SEMA3E: variants seen among roughly 807,000 people sequenced by gnomAD.
The protein encoded by SEMA3E is semaphorin-3E.
SEMA3E carries 49 observed loss-of-function variants against 93.6 expected under a neutral mutation model. The observed-to-expected ratio is 0.52, with a 90% CI of 0.42 to 0.66. The LOEUF (loss-of-function observed/expected upper bound fraction) is 0.66. Ranked by LOEUF, SEMA3E falls within the 30% of genes least tolerant of loss-of-function variation. SEMA3E has a pLI of 0.00. For synonymous variants in SEMA3E, 363 were observed against 330.7 expected (o/e 1.10, Z -1.06); for missense variants, 906 against 964.8 (o/e 0.94, Z 0.81).
At chr7:83,530,030 CAT>C (rs1791254329) in intron 1 of SEMA3E, among the ~76,000 whole-genome samples, 1 of 152,124 alleles carries the variant, frequency 6.6e-6, no homozygotes, top group African/African-American at 2.4e-5. Flanking sequence ...TTTACTCAAT[CAT>C]ATTTTCTATG....
intron 16 of SEMA3E, chr7:83,371,347 G>A (rs1233734887): frequency 1.3e-5 from 2 of 152,114 alleles, no homozygotes; most frequent in Non-Finnish European, 2.9e-5. Flanking sequence ...AGTGTTGGGA[G>A]GATGGAGTCA....
At chr7:83,433,387 C>T (rs1015518493) in intron 4 of SEMA3E, among the ~76,000 whole-genome samples, 3 of 152,026 alleles carry the variant, frequency 2.0e-5, no homozygotes, top group Non-Finnish European at 4.4e-5. Flanking sequence ...CACTCCTGGA[C>T]CGACTGTTTA....
chr7:83,527,264 C>T (rs1452775483), intron 1 of SEMA3E, among the ~76,000 whole-genome samples: 2 of 152,118 alleles, frequency 1.3e-5, no homozygotes, highest in Non-Finnish European at 2.9e-5. Context: ...GACTTCCAGC[C>T]TCAAGGACTG....
intron 11 of SEMA3E, among the ~76,000 whole-genome samples, chr7:83,397,099 G>A (rs1279371618): frequency 6.6e-6 from 1 of 150,628 alleles, no homozygotes; most frequent in African/African-American, 2.4e-5. Flanking sequence ...AAAAAAAGTA[G>A]CGACTATAAA....
rs770472333 is a variant in SEMA3E at position 83,490,182 on chromosome 7, G to A, written c.208C>T (p.Leu70Phe). The change falls in exon 2 of 17, where the codon CTC becomes TTC. Residue 70 changes from leucine (L) to phenylalanine (F), a missense_variant. Transcript: ENST00000643230. ...ACAAGGTCCCTGCCTCCCACGAAGAGCCTCTCTTGATATTCATCCAGCAGC... is the reference window on the plus strand; with the variant it reads ...ACAAGGTCCCTGCCTCCCACGAAGAACCTCTCTTGATATTCATCCAGCAGC... Reference protein sequence around the residue: ...TMLLDEYQERLFVGGRDLVYS... With the variant: ...TMLLDEYQERFFVGGRDLVYS... 1.3e-5 allele frequency: 21 copies of A among 1,612,994 alleles called. No individual in the cohort carries two copies. The South Asian group carries it at 2.2e-4, about 17-fold the overall frequency.
At chr7:83,402,872 G>A (rs1562765839) in intron 9 of SEMA3E, 96 bp from the exon 10 acceptor site, 12 of 1,164,158 alleles carry the variant, frequency 1.0e-5, no homozygotes, top group East Asian at 2.6e-5. Flanking sequence ...CAAGTCTTTT[G>A]GGTAAAGTGG....
chr7:83,645,550 T>G (rs996568130), intron 1 of SEMA3E, among the ~76,000 whole-genome samples: 2 of 152,046 alleles, frequency 1.3e-5, no homozygotes, highest in Non-Finnish European at 2.9e-5. Context: ...ATCTCATCAT[T>G]TTATCCACCA....
At chr7:83,535,924 T>A (rs918702900) in intron 1 of SEMA3E, among the ~76,000 whole-genome samples, 4 of 152,050 alleles carry the variant, frequency 2.6e-5, no homozygotes, top group Admixed American at 6.6e-5. Flanking sequence ...GAGTGAGAAG[T>A]GAAGAATGTG....
intron 5 of SEMA3E, among the ~76,000 whole-genome samples, chr7:83,411,426 T>C (rs1788436990): frequency 6.6e-6 from 1 of 152,140 alleles, no homozygotes; most frequent in African/African-American, 2.4e-5. Flanking sequence ...TGTTAGGTTT[T>C]CCTCAGAAGG....
At chr7:83,638,484 T>A (rs1452386851) in intron 1 of SEMA3E, among the ~76,000 whole-genome samples, 1 of 152,236 alleles carries the variant, frequency 6.6e-6, no homozygotes, top group Non-Finnish European at 1.5e-5. Flanking sequence ...CATAGCTACA[T>A]CATGCTACAA....
At chr7:83,463,226 A>G (rs1789669364) in intron 4 of SEMA3E, among the ~76,000 whole-genome samples, 1 of 151,692 alleles carries the variant, frequency 6.6e-6, no homozygotes, top group African/African-American at 2.4e-5. Context: ...GAATTCTTAC[A>G]CAAGAGCCAG....
At position 83,435,660 on chromosome 7, in the gene SEMA3E, T is replaced by C. The variant is rs74477973; in HGVS notation, c.457-17177A>G. ...AGAAAGACAGAAACTATTTAATTTT[T>C]AATTTATTCTTCAATATTTATACAC... On this transcript the variant is annotated intron_variant, in intron 4 of 16. Transcript: ENST00000643230. 3.6e-3 allele frequency among the ~76,000 whole-genome samples: 542 copies of C among 152,240 alleles called. 5 individuals are homozygous for C. The highest frequency in any genetic ancestry group is 0.012 in the African/African-American group (514 of 41,572).
rs1461779663 is a variant in SEMA3E, at chr7:83,420,978, C to A, written c.457-2495G>T. Reference sequence around the variant, plus strand: ...AAAAACAAAAACTGACAAGTGGGACCTAATTAAAGAGCTTCTGCACAGCAG... The same window carrying A: ...AAAAACAAAAACTGACAAGTGGGACATAATTAAAGAGCTTCTGCACAGCAG... On this transcript the variant is annotated intron_variant, in intron 4 of 16. Transcript: ENST00000643230. 1.4e-5 allele frequency among the ~76,000 whole-genome samples: 2 copies of A among 142,044 alleles called. 1 individual carries two copies. The highest frequency in any genetic ancestry group is 5.0e-5 in the African/African-American group (2 of 39,760). 93.2% of individuals were successfully genotyped at this position (142,044 alleles called of 152,430 possible). A position where few individuals can be genotyped will look rare whatever the true frequency, so the allele number is the denominator to read the frequency against.
At chr7:83,423,337 T>C (rs1270349237) in intron 4 of SEMA3E, among the ~76,000 whole-genome samples, 1 of 152,152 alleles carries the variant, frequency 6.6e-6, no homozygotes, top group Non-Finnish European at 1.5e-5. Flanking sequence ...AAAACTCAGA[T>C]GTACCTTGAC....
intron 1 of SEMA3E, among the ~76,000 whole-genome samples, chr7:83,574,800 G>A (rs562776994): frequency 1.7e-3 from 258 of 152,222 alleles, no homozygotes; most frequent in African/African-American, 6.0e-3. Context: ...ACACATATGT[G>A]AGGCCATTCT....
At chr7:83,478,169 C>T (rs1483373801) in intron 2 of SEMA3E, among the ~76,000 whole-genome samples, 11 of 152,202 alleles carry the variant, frequency 7.2e-5, no homozygotes, top group East Asian at 5.8e-4. Flanking sequence ...GTGATCTGCC[C>T]GCCTTGGTCC....
chr7:83,482,238 C>G (rs947102091), intron 2 of SEMA3E, among the ~76,000 whole-genome samples: 30 of 152,148 alleles, frequency 2.0e-4, no homozygotes, highest in African/African-American at 7.0e-4. Flanking sequence ...TCAACAATAA[C>G]TAGTCTGAAA....
chr7:83,429,021 G>A (rs111291704), intron 4 of SEMA3E, among the ~76,000 whole-genome samples: 35 of 152,138 alleles, frequency 2.3e-4, no homozygotes, highest in African/African-American at 6.3e-4. Flanking sequence ...ATGTGTTTGC[G>A]TTGTTAGGTG....
chr7:83,538,936 A>G (rs1173286911), intron 1 of SEMA3E, among the ~76,000 whole-genome samples: 2 of 152,130 alleles, frequency 1.3e-5, no homozygotes, highest in African/African-American at 4.8e-5. Context: ...TGGAGACTTA[A>G]TTTCCTGGAT....
Sources: gnomAD v4.1 joint callset for allele counts (sites outside exome capture counted in the v4.1 genomes callset) on GRCh38, gnomAD v4.1.1 for gene constraint, MANE v1.5 for transcripts, NCBI Gene and HGNC (gene_info 2026-07-23, HGNC 2026-07-21) for gene names.